Variants in FRAS1 observed in about 807,000 individuals in gnomAD.
FRAS1 encodes the protein extracellular matrix organizing protein FRAS1.
In FRAS1, 290 loss-of-function variants were observed where a neutral mutation model predicts 435.2. The ratio of observed to expected loss-of-function variants is 0.67; its 90% CI spans 0.61 to 0.73. The LOEUF is 0.73. Ranked by LOEUF, FRAS1 falls within the 30% of genes least tolerant of loss-of-function variation. FRAS1 has a pLI of 0.00. For synonymous variants in FRAS1, 1,800 were observed against 1,851.0 expected (o/e 0.97, Z 0.71); for missense variants, 4,860 against 5,001.5 (o/e 0.97, Z 0.85).
At chr4:78,079,346 A>G (rs1031676679) in intron 2 of FRAS1, among the ~76,000 whole-genome samples, 1 of 152,140 alleles carries the variant, frequency 6.6e-6, no homozygotes, top group Non-Finnish European at 1.5e-5. Flanking sequence ...AAAACCAAGA[A>G]TGGACCAGAT....
rs1721318353 is a variant in FRAS1, at chr4:78,519,417, C to T, written c.10476C>T (p.Ala3492=). The T allele has an allele frequency of 6.2e-7, 1 of 1,611,136 alleles. No individual in the cohort carries two copies. Among genetic ancestry groups the T allele is most frequent in the Non-Finnish European group, 8.5e-7 (1 of 1,178,888 alleles). The part of the protein sequence containing the change: ...YIYVTAPRGW[A]SLEHHTEMEF... ...ATGTGACAGCCCCCAGGGGCTGGGCCTCCTTGGAGCACCACACCGAGATGG... is the reference window on the plus strand; with the variant it reads ...ATGTGACAGCCCCCAGGGGCTGGGCTTCCTTGGAGCACCACACCGAGATGG... The change falls in exon 67 of 74, where the codon GCC becomes GCT. Residue 3492 remains alanine (A), a synonymous_variant. Coordinates refer to ENST00000512123, the MANE Select transcript of FRAS1 (RefSeq NM_025074.7).
chr4:78,479,453 A>T lies in FRAS1; in HGVS notation c.8178A>T (p.Glu2726Asp). ...SAMGSSLYAL[E>D]SGSDFKSRGM... ...TGGGAAGTAGCCTCTATGCTCTAGA[A>T]TCAGGCTCTGATTTTAAATCTAGAG... The change falls in exon 56 of 74, where the codon GAA (glutamate) becomes GAT (aspartate). Residue 2726 changes from glutamate to aspartate, a missense_variant. Transcript: ENST00000512123. 1 of 1,604,640 alleles carries T rather than the reference A, an allele frequency of 6.2e-7. No homozygotes were observed. Among genetic ancestry groups the T allele is most frequent in the Admixed American group, 1.7e-5 (1 of 59,782 alleles).
rs144283384 is a variant in FRAS1, at chr4:78,339,055, T to C, written c.2422+1238T>C. Among the ~76,000 whole-genome samples, 104 of 152,330 alleles carry C rather than the reference T, an allele frequency of 6.8e-4. 1 individual carries two copies. The Middle Eastern group carries it at 0.027, about 40-fold the overall frequency. The stretch of plus-strand genomic sequence containing the variant: ...AAGTGGAAATTCAGAGTCCAGGATT[T>C]GGACTAATCAGAATTCCTATCAGCT... On this transcript the variant is annotated intron_variant, in intron 20 of 73. Transcript: ENST00000512123.
intron 2 of FRAS1, among the ~76,000 whole-genome samples, chr4:78,161,787 AGAAAG>A (rs1721153466): frequency 6.6e-6 from 1 of 150,418 alleles, no homozygotes; most frequent in African/African-American, 2.4e-5. Context: ...AGAAAAGAAA[AGAAAG>A]TGCTCTCCTA....
At chr4:78,253,073 A>G (rs903475172) in intron 5 of FRAS1, among the ~76,000 whole-genome samples, 8 of 152,146 alleles carry the variant, frequency 5.3e-5, no homozygotes, top group Admixed American at 3.3e-4. Flanking sequence ...TCGCAACCAC[A>G]TAAGACAGAA....
At chr4:78,119,672 A>G (rs1387260570) in intron 2 of FRAS1, among the ~76,000 whole-genome samples, 1 of 152,168 alleles carries the variant, frequency 6.6e-6, no homozygotes, top group East Asian at 1.9e-4. Context: ...CCTAATCCTG[A>G]CTTTACCTTA....
intron 32 of FRAS1, among the ~76,000 whole-genome samples, 164 bp downstream of exon 32, chr4:78,413,249 A>C (rs369642894): frequency 3.3e-5 from 5 of 152,224 alleles, no homozygotes; most frequent in African/African-American, 9.6e-5. Context: ...GACTTGAAAA[A>C]GGAACTTAAA....
At chr4:78,204,146 C>G (rs149261418) in intron 2 of FRAS1, among the ~76,000 whole-genome samples, 36 of 152,204 alleles carry the variant, frequency 2.4e-4, no homozygotes, top group Non-Finnish European at 2.8e-4. Context: ...AGTAGAAACA[C>G]ACATAAAACA....
intron 2 of FRAS1, among the ~76,000 whole-genome samples, chr4:78,126,380 G>T (rs868839596): frequency 5.9e-5 from 9 of 152,198 alleles, no homozygotes; most frequent in African/African-American, 2.2e-4. Flanking sequence ...ACCCCACCCT[G>T]CATCGGCTTG....
intron 69 of FRAS1, among the ~76,000 whole-genome samples, chr4:78,526,259 A>G (rs560412448): frequency 1.1e-3 from 163 of 152,338 alleles, no homozygotes; most frequent in Non-Finnish European, 2.1e-3. Context: ...TGAGCCTTCT[A>G]TGTTTTCATA....
At chr4:78,171,056 A>G (rs1248042523) in intron 2 of FRAS1, among the ~76,000 whole-genome samples, 5 of 152,052 alleles carry the variant, frequency 3.3e-5, no homozygotes, top group Non-Finnish European at 7.4e-5. Flanking sequence ...TTTAGGGCTC[A>G]CGAATCTCTT....
chr4:78,385,235 T>C (rs1433609281), intron 28 of FRAS1, among the ~76,000 whole-genome samples: 1 of 152,170 alleles, frequency 6.6e-6, no homozygotes, highest in Non-Finnish European at 1.5e-5. Context: ...GTATGAAGAA[T>C]AGGGAAATAG....
chr4:78,342,922 G>A (rs1217876516), intron 20 of FRAS1, among the ~76,000 whole-genome samples: 1 of 152,192 alleles, frequency 6.6e-6, no homozygotes, highest in African/African-American at 2.4e-5. Context: ...TTTTTTAAAT[G>A]CAGGTTTGCT....
chr4:78,374,157 C>T lies in FRAS1; in HGVS notation c.3057C>T (p.Thr1019=), dbSNP rs762705894. 4 of 1,605,272 alleles carry T rather than the reference C, an allele frequency of 2.5e-6. No homozygotes were observed. Among genetic ancestry groups the T allele is most frequent in the Admixed American group, 1.7e-5 (1 of 59,872 alleles). Reference sequence around the variant, plus strand: ...AGTGCCAAGGTCCCCATGAGTGTACCCGCTGCAAAGGGCCATTTCTCCTCT... The same window carrying T: ...AGTGCCAAGGTCCCCATGAGTGTACTCGCTGCAAAGGGCCATTTCTCCTCT... ...CLQCQGPHEC[T]RCKGPFLLLE... is the part of the protein sequence containing the mutation. Residue 1019 remains threonine (T), a synonymous_variant, in exon 25 of 74, where the codon ACC becomes ACT. Coordinates refer to ENST00000512123, the MANE Select transcript of FRAS1 (RefSeq NM_025074.7).
In FRAS1 at chr4:78,068,709, C is replaced by T. The variant is rs566191594; in HGVS notation, c.108+2693C>T. ...ATAGGGGTGAGTCACTAAAAAATTTCTGTCAAATTAAGTGTAGGAAAAACA... is the reference window on the plus strand; with the variant it reads ...ATAGGGGTGAGTCACTAAAAAATTTTTGTCAAATTAAGTGTAGGAAAAACA... On this transcript the variant is annotated intron_variant, in intron 2 of 73. Coordinates refer to ENST00000512123, the MANE Select transcript of FRAS1 (RefSeq NM_025074.7). The T allele has an allele frequency of 7.8e-6, 3 of 383,056 alleles. No homozygotes were observed. In the East Asian group the frequency reaches 2.2e-4, roughly 28 times the overall value. The allele number at this position is 383,056 out of a possible 1,614,324, so 23.7% of individuals were successfully genotyped here. A position where few individuals can be genotyped will look rare whatever the true frequency, so the allele number is the denominator to read the frequency against.
chr4:78,270,913 AT>A, intron 9 of FRAS1, among the ~76,000 whole-genome samples: 1 of 152,280 alleles, frequency 6.6e-6, no homozygotes, highest in Non-Finnish European at 1.5e-5. Context: ...ATGGACAGTA[AT>A]CTATATAACT....
At chr4:78,500,202 A>T (rs1720633923) in intron 61 of FRAS1, among the ~76,000 whole-genome samples, 1 of 152,198 alleles carries the variant, frequency 6.6e-6, no homozygotes, top group South Asian at 2.1e-4. Context: ...TGATAGGATC[A>T]CTTGTTAAAA....
In FRAS1 at chr4:78,466,263, G is replaced by A. The variant is rs865839705; in HGVS notation, c.7085G>A (p.Arg2362Gln). The change falls in exon 50 of 74, where the codon CGA (arginine) becomes CAA (glutamine). Residue 2362 changes from arginine to glutamine, a missense_variant. Arg to Gln is a conservative substitution (Grantham distance 43). Coordinates refer to ENST00000512123, the MANE Select transcript of FRAS1 (RefSeq NM_025074.7). ...CCTCCACGCCATGGCACCATCGAGCGAACCAGCAATGGGCAGCATTTCCAC... is the reference window on the plus strand; with the variant it reads ...CCTCCACGCCATGGCACCATCGAGCAAACCAGCAATGGGCAGCATTTCCAC... ...VQPPRHGTIE[R>Q]TSNGQHFHLT... 8 of 1,613,762 alleles carry A rather than the reference G, an allele frequency of 5.0e-6. No individual in the cohort carries two copies. The East Asian group carries it at 6.7e-5, about 13-fold the overall frequency.
chr4:78,276,947 C>T (rs916794333), intron 9 of FRAS1, among the ~76,000 whole-genome samples: 14 of 152,320 alleles, frequency 9.2e-5, no homozygotes, highest in African/African-American at 2.9e-4. Context: ...CCTCCTTGAG[C>T]TGCAGTGGGC....
Sources: gnomAD v4.1 joint callset for allele counts (sites outside exome capture counted in the v4.1 genomes callset) on GRCh38, gnomAD v4.1.1 for gene constraint, MANE v1.5 for transcripts, NCBI Gene and HGNC (gene_info 2026-07-23, HGNC 2026-07-21) for gene names.